Variants in STAU2 observed in about 807,000 individuals in gnomAD.
STAU2 encodes staufen double-stranded RNA binding protein 2, also known as double-stranded RNA-binding protein Staufen homolog 2.
A neutral mutation model predicts 65.9 loss-of-function variants in STAU2; 20 were observed. That is an observed-to-expected ratio of 0.30 (90% CI 0.21 to 0.44). The LOEUF is 0.44. Among genes scored for constraint, STAU2 ranks in the 20% least tolerant of loss-of-function variants. The pLI, the probability that STAU2 is intolerant of heterozygous loss-of-function variation, is 1.00. For missense variants in STAU2, 558 were observed against 683.9 expected, an observed-to-expected ratio of 0.82 and a Z score of 2.05; for synonymous variants, 232 against 233.9, an observed-to-expected ratio of 0.99 and a Z score of 0.07.
intron 6 of STAU2, among the ~76,000 whole-genome samples, chr8:73,621,892 A>G (rs868726431): frequency 1.3e-5 from 2 of 151,834 alleles, no homozygotes; most frequent in Middle Eastern, 6.9e-3. Flanking sequence ...CAATTGCTTC[A>G]GAGTCCATTC....
chr8:73,623,101 T>C (rs534912098), intron 6 of STAU2, among the ~76,000 whole-genome samples: 1 of 152,366 alleles, frequency 6.6e-6, no homozygotes, highest in East Asian at 1.9e-4. Flanking sequence ...TAATACTTGA[T>C]ATTCCTTACA....
intron 13 of STAU2, among the ~76,000 whole-genome samples, chr8:73,466,261 G>C (rs1254179041): frequency 6.6e-6 from 1 of 152,168 alleles, no homozygotes; most frequent in African/African-American, 2.4e-5. Context: ...AGTTACCCAT[G>C]CATCTTTATT....
At chr8:73,694,252 C>T (rs1240980753) in intron 4 of STAU2, among the ~76,000 whole-genome samples, 2 of 152,146 alleles carry the variant, frequency 1.3e-5, no homozygotes, top group Non-Finnish European at 2.9e-5. Flanking sequence ...AGATTCAATA[C>T]TCCTTATCAA....
At chr8:73,724,846 T>A (rs987667776) in intron 3 of STAU2, among the ~76,000 whole-genome samples, 21 of 152,072 alleles carry the variant, frequency 1.4e-4, no homozygotes, top group African/African-American at 4.8e-4. Flanking sequence ...CACCACCACA[T>A]CCAGCTAATT....
chr8:73,573,740 C>T (rs571684020), intron 12 of STAU2, among the ~76,000 whole-genome samples: 5 of 152,000 alleles, frequency 3.3e-5, no homozygotes, highest in Admixed American at 2.6e-4. Flanking sequence ...ACACCTTATA[C>T]AAAAAAATTA....
chr8:73,684,369 C>G (rs1302395459), intron 5 of STAU2, among the ~76,000 whole-genome samples: 1 of 152,226 alleles, frequency 6.6e-6, no homozygotes, highest in Non-Finnish European at 1.5e-5. Flanking sequence ...AAAGGACATC[C>G]TATTCAACAA....
intron 13 of STAU2, among the ~76,000 whole-genome samples, chr8:73,489,260 T>C (rs564214128): frequency 6.6e-6 from 1 of 152,102 alleles, no homozygotes; most frequent in South Asian, 2.1e-4. Flanking sequence ...GAAAAAAATA[T>C]TAATTGCATT....
intron 13 of STAU2, among the ~76,000 whole-genome samples, chr8:73,481,500 C>CAAAAAAA (rs766805913): frequency 3.3e-5 from 2 of 60,048 alleles, no homozygotes; most frequent in Non-Finnish European, 5.9e-5. Context: ...CAAAATAAGC[C>CAAAAAAA]AAAAAAACAA....
chr8:73,430,184 A>G (rs986611682), intron 13 of STAU2, among the ~76,000 whole-genome samples: 2 of 152,120 alleles, frequency 1.3e-5, no homozygotes, highest in Non-Finnish European at 2.9e-5. Flanking sequence ...AGCAGGAGGG[A>G]GAAGCCCCAG....
intron 5 of STAU2, 73 bp downstream of exon 5, chr8:73,688,581 C>A: frequency 6.5e-7 from 1 of 1,532,012 alleles, no homozygotes; most frequent in Non-Finnish European, 9.0e-7. Context: ...TGTTACTAGC[C>A]TACTATAAAT....
chr8:73,548,628 G>T (rs1423602545), intron 13 of STAU2, among the ~76,000 whole-genome samples: 1 of 152,074 alleles, frequency 6.6e-6, no homozygotes, highest in Non-Finnish European at 1.5e-5. Flanking sequence ...ATAATGAAAT[G>T]CCCCTCCATA....
intron 9 of STAU2, among the ~76,000 whole-genome samples, chr8:73,609,579 A>T (rs1812292920): frequency 6.6e-6 from 1 of 152,046 alleles, no homozygotes; most frequent in Non-Finnish European, 1.5e-5. Context: ...GATTGAACCC[A>T]GGAGGTGGAG....
intron 3 of STAU2, among the ~76,000 whole-genome samples, chr8:73,721,117 A>C (rs896155100): frequency 3.7e-5 from 4 of 109,506 alleles, no homozygotes; most frequent in African/African-American, 8.1e-5. Context: ...CCAACACTAC[A>C]AAAAAAAAAA....
At chr8:73,532,154 G>C (rs927177322) in intron 13 of STAU2, among the ~76,000 whole-genome samples, 2 of 152,158 alleles carry the variant, frequency 1.3e-5, no homozygotes, top group Non-Finnish European at 2.9e-5. Flanking sequence ...TAAGACTGAT[G>C]AAACATGTTA....
intron 13 of STAU2, among the ~76,000 whole-genome samples, chr8:73,428,518 C>A (rs1817005975): frequency 6.6e-6 from 1 of 151,996 alleles, no homozygotes; most frequent in Admixed American, 6.6e-5. Context: ...AGCACCATCA[C>A]AGAGGGCTAC....
chr8:73,565,064 T>A (rs1397741096), intron 12 of STAU2, among the ~76,000 whole-genome samples: 2 of 152,226 alleles, frequency 1.3e-5, no homozygotes, highest in African/African-American at 4.8e-5. Flanking sequence ...AGAAAATGAA[T>A]GACTGAATGT....
chr8:73,738,446 A>C, intron 2 of STAU2, 97 bp from the exon 3 acceptor site: 1 of 829,002 alleles, frequency 1.2e-6, no homozygotes, highest in Non-Finnish European at 1.8e-6. Flanking sequence ...CAAATATAAA[A>C]TGTAATTTAT....
At chr8:73,588,268 G>A (rs1810518722) in intron 11 of STAU2, among the ~76,000 whole-genome samples, 1 of 152,212 alleles carries the variant, frequency 6.6e-6, no homozygotes, top group Non-Finnish European at 1.5e-5. Flanking sequence ...AATGTTAACA[G>A]CTTTGGCAGG....
chr8:73,645,549 A>T (rs1011465440), intron 6 of STAU2, among the ~76,000 whole-genome samples: 1 of 152,210 alleles, frequency 6.6e-6, no homozygotes, highest in African/African-American at 2.4e-5. Flanking sequence ...CACTCCCACT[A>T]CTCTTACACA....
Sources: gnomAD v4.1 joint callset for allele counts (sites outside exome capture counted in the v4.1 genomes callset) on GRCh38, gnomAD v4.1.1 for gene constraint, MANE v1.5 for transcripts, NCBI Gene and HGNC (gene_info 2026-07-23, HGNC 2026-07-21) for gene names.